The following ROS1 variants were observed in gnomAD, a reference collection of about 807,000 sequenced individuals.
ROS1 encodes the protein ROS proto-oncogene 1, receptor tyrosine kinase.
Under a neutral mutation model 273.5 loss-of-function variants are expected in ROS1, and 263 were observed. That is an observed-to-expected ratio of 0.96 (90% CI 0.87 to 1.06). The LOEUF (loss-of-function observed/expected upper bound fraction) is 1.06. Among genes scored for constraint, ROS1 ranks in the 50% least tolerant of loss-of-function variants. The pLI, the probability that ROS1 is intolerant of heterozygous loss-of-function variation, is 0.00. For missense variants in ROS1, 2,833 were observed against 2,751.1 expected (o/e 1.03, Z -0.67); for synonymous variants, 1,008 against 954.1 (o/e 1.06, Z -1.04).
At position 117,317,271 on chromosome 6, in the gene ROS1, T is replaced by C. The variant is rs1272626011; in HGVS notation, c.5989A>G (p.Lys1997Glu). The C allele has an allele frequency of 2.5e-6, 4 of 1,610,696 alleles. No homozygotes were observed. The South Asian group carries it at 4.4e-5, about 18-fold the overall frequency. Residue 1997 changes from lysine (K) to glutamate (E), a missense_variant and splice_region_variant, in exon 39 of 44, where the codon AAA (lysine) becomes GAA (glutamate). Lys to Glu is a moderately conservative substitution (Grantham distance 56, BLOSUM62 1). Transcript: ENST00000368507. ...TTCAGAATGTTGGGATGATTAAATT[T>C]GCTGAAAGGTGGAAAGACACAGGCT... ...EFLKEAHLMS[K>E]FNHPNILKQL...
intron 5 of ROS1, among the ~76,000 whole-genome samples, chr6:117,406,265 T>A (rs141641193): frequency 2.8e-4 from 43 of 152,296 alleles, no homozygotes; most frequent in Admixed American, 1.7e-3. Flanking sequence ...TTATTTAATA[T>A]GTTATTAGCT....
intron 27 of ROS1, among the ~76,000 whole-genome samples, chr6:117,345,674 C>T (rs1297226130): frequency 6.6e-6 from 1 of 152,176 alleles, no homozygotes. Flanking sequence ...GAAGCCAGCT[C>T]CTTCACTTGC....
rs756528912 is a variant in ROS1 at position 117,326,419 on chromosome 6, A to C, written c.5349-5T>G. The C allele has an allele frequency of 6.8e-7, 1 of 1,473,574 alleles. No homozygotes were observed. Among genetic ancestry groups the C allele is most frequent in the Non-Finnish European group, 9.1e-7 (1 of 1,099,052 alleles). 91.3% of individuals were successfully genotyped at this position (1,473,574 alleles called of 1,614,324 possible). ...AAATTATTTGAAGTGCTCTTTCTGC[A>C]AAAAATAATAAATACAGAAAATATA... On this transcript the variant is annotated splice_region_variant and splice_polypyrimidine_tract_variant and intron_variant, in intron 33 of 43. Transcript: ENST00000368507.
chr6:117,374,160 C>G (rs1347193497), intron 18 of ROS1, among the ~76,000 whole-genome samples: 1 of 151,958 alleles, frequency 6.6e-6, no homozygotes, highest in Non-Finnish European at 1.5e-5. Context: ...CATGTGGAAC[C>G]AAAAAAGAGC....
At position 117,416,320 on chromosome 6, in the gene ROS1, G is replaced by A. The variant is rs1201803298; in HGVS notation, c.169-3C>T. On this transcript the variant is annotated splice_region_variant and splice_polypyrimidine_tract_variant and intron_variant, in intron 2 of 43. Coordinates refer to ENST00000368507, the MANE Select transcript of ROS1 (RefSeq NM_001378902.1). ...CAAAAGTGACATCCTTGGATACACT[G>A]CAAGAGACAATAACAGACAATGGTG... The A allele has an allele frequency of 1.3e-6, 2 of 1,593,084 alleles. No individual in the cohort carries two copies. The highest frequency in any genetic ancestry group is 1.7e-4 in the Middle Eastern group (1 of 6,016).
intron 39 of ROS1, among the ~76,000 whole-genome samples, chr6:117,312,976 T>G (rs1775655948): frequency 6.6e-6 from 1 of 152,112 alleles, no homozygotes; most frequent in East Asian, 1.9e-4. Context: ...AATCACTCCT[T>G]CCTCTGGGCT....
At chr6:117,356,451 G>A (rs1439091737) in intron 26 of ROS1, among the ~76,000 whole-genome samples, 178 bp downstream of exon 26, 3 of 152,152 alleles carry the variant, frequency 2.0e-5, no homozygotes, top group East Asian at 1.9e-4. Flanking sequence ...TTATGTGAAT[G>A]CCTACATACA....
chr6:117,296,848 A>G (rs1774283309), intron 43 of ROS1, among the ~76,000 whole-genome samples: 1 of 152,174 alleles, frequency 6.6e-6, no homozygotes, highest in African/African-American at 2.4e-5. Context: ...TGAGGGGTGG[A>G]TACTCCATTC....
intron 43 of ROS1, among the ~76,000 whole-genome samples, chr6:117,289,819 T>C (rs1264039184): frequency 2.6e-5 from 4 of 152,188 alleles, no homozygotes; most frequent in Non-Finnish European, 5.9e-5. Context: ...TGAACACCTG[T>C]GGAAGGTATT....
intron 43 of ROS1, among the ~76,000 whole-genome samples, chr6:117,297,938 C>T (rs991894230): frequency 1.3e-5 from 2 of 152,134 alleles, no homozygotes; most frequent in African/African-American, 4.8e-5. Flanking sequence ...TATCACAGTA[C>T]TACTCATAAT....
At chr6:117,403,537 G>A (rs542766652) in intron 6 of ROS1, among the ~76,000 whole-genome samples, 1 of 152,094 alleles carries the variant, frequency 6.6e-6, no homozygotes, top group East Asian at 1.9e-4. Context: ...AGTACACATA[G>A]TATCTTGGGA....
rs547023032 is a variant in ROS1 at position 117,295,388 on chromosome 6, C to A, written c.6715+5586G>T. ...AAGACTTCAAACCATGAAACTACTA[C>A]AAGAAAATACTGGGGAAAATCTCCA... On this transcript the variant is annotated intron_variant, in intron 43 of 43. Transcript: ENST00000368507. 2.5e-3 allele frequency among the ~76,000 whole-genome samples: 374 copies of A among 152,214 alleles called. 4 individuals carry two copies. In the Middle Eastern group the frequency reaches 0.027, roughly 11 times the overall value.
In ROS1 at chr6:117,344,142, G is replaced by T. The variant is rs1182896315; in HGVS notation, c.4424C>A (p.Thr1475Asn). The T allele has an allele frequency of 6.2e-7, 1 of 1,613,930 alleles. No individual in the cohort carries two copies. The change falls in exon 28 of 44, where the codon ACC (threonine) becomes AAC (asparagine). Residue 1475 changes from threonine to asparagine, a missense_variant. Transcript: ENST00000368507. ...AACCAGGTATGTTGGAGTAGGGCTG[G>T]TGATGCCATACCATGTGAGGTTTGT... is the stretch of plus-strand genomic sequence containing the variant. ...AKTNLTWYGI[T>N]SPTPTYLVYY...
Sources: gnomAD v4.1 joint callset for allele counts (sites outside exome capture counted in the v4.1 genomes callset) on GRCh38, gnomAD v4.1.1 for gene constraint, MANE v1.5 for transcripts, NCBI Gene and HGNC (gene_info 2026-07-23, HGNC 2026-07-21) for gene names.